DPYS: variants seen among roughly 807,000 people sequenced by gnomAD.
DPYS encodes dihydropyrimidine amidohydrolase.
A neutral mutation model predicts 50.3 loss-of-function variants in DPYS; 39 were observed. That is an observed-to-expected ratio of 0.78 (90% confidence interval 0.60 to 1.01). DPYS has a LOEUF of 1.01. Ranked by LOEUF, DPYS falls within the 50% of genes least tolerant of loss-of-function variation. DPYS has a pLI of 0.00. For synonymous variants in DPYS, 245 were observed against 250.7 expected, an observed-to-expected ratio of 0.98 and a Z score of 0.22; for missense variants, 659 against 680.9, an observed-to-expected ratio of 0.97 and a Z score of 0.36.
At chr8:104,459,862 C>A (rs986857309) in intron 1 of DPYS, among the ~76,000 whole-genome samples, 2 of 152,138 alleles carry the variant, frequency 1.3e-5, no homozygotes, top group African/African-American at 4.8e-5. Context: ...TTTATCTTTT[C>A]TAAAAGTCAT....
chr8:104,429,477 G>A, intron 5 of DPYS, 68 bp downstream of exon 5: 17 of 1,605,060 alleles, frequency 1.1e-5, no homozygotes, highest in Non-Finnish European at 1.4e-5. Flanking sequence ...CCAGATGGGA[G>A]GACGAGCTCC....
At position 104,463,697 on chromosome 8, in the gene DPYS, T is replaced by C. The variant is rs117689356; in HGVS notation, c.264+2960A>G. Among the ~76,000 whole-genome samples the C allele has an allele frequency of 8.9e-3, 1,362 of 152,312 alleles. 8 individuals carry two copies. The highest frequency in any genetic ancestry group is 0.013 in the Non-Finnish European group (856 of 68,028). On this transcript the variant is annotated intron_variant, in intron 1 of 9. Transcript: ENST00000351513. The stretch of plus-strand genomic sequence containing the variant: ...GCTGGTATGTACTTGATAAAATAGA[T>C]GTTACTTAAAGGTATAATAGGAAGA...
intron 1 of DPYS, among the ~76,000 whole-genome samples, chr8:104,452,493 G>A (rs1170347482): frequency 6.6e-6 from 1 of 152,128 alleles, no homozygotes; most frequent in East Asian, 1.9e-4. Context: ...GCAAAGTGAG[G>A]ACAATTGTAC....
At chr8:104,452,236 A>G (rs1813769095) in intron 1 of DPYS, among the ~76,000 whole-genome samples, 1 of 152,234 alleles carries the variant, frequency 6.6e-6, no homozygotes, top group African/African-American at 2.4e-5. Flanking sequence ...ACTAAATCAC[A>G]TGCCTTTGAC....
At chr8:104,464,472 AAG>A (rs1486407087) in intron 1 of DPYS, among the ~76,000 whole-genome samples, 4 of 152,222 alleles carry the variant, frequency 2.6e-5, no homozygotes, top group Non-Finnish European at 4.4e-5. Flanking sequence ...GCTCAGCTGT[AAG>A]AGGGAGAATG....
chr8:104,443,893 A>G (rs1813436680), intron 4 of DPYS, among the ~76,000 whole-genome samples: 1 of 152,284 alleles, frequency 6.6e-6, no homozygotes, highest in Non-Finnish European at 1.5e-5. Context: ...ACTCCATCAC[A>G]AAACAAACAA....
chr8:104,406,243 T>C (rs1003072430), intron 7 of DPYS, among the ~76,000 whole-genome samples: 2 of 152,204 alleles, frequency 1.3e-5, no homozygotes, highest in Non-Finnish European at 2.9e-5. Flanking sequence ...ATCCCAACTC[T>C]GTCCTTTCCA....
At chr8:104,429,846 T>TAAACAGTTTGCATAGTAGTG (rs1812892434) in intron 4 of DPYS, 145 bp from the exon 5 acceptor site, 1 of 995,142 alleles carries the variant, frequency 1.0e-6, no homozygotes, top group African/African-American at 1.6e-5. Context: ...TTTACTTTTG[T>TAAACAGTTTGCATAGTAGTG]GGACAGGATT....
chr8:104,386,836 C>G (rs1023624513), intron 8 of DPYS, among the ~76,000 whole-genome samples: 2 of 152,032 alleles, frequency 1.3e-5, no homozygotes, highest in African/African-American at 4.8e-5. Flanking sequence ...CCATGTTGGC[C>G]AGGCTAGTCT....
chr8:104,420,874 T>C (rs1399522691), intron 7 of DPYS: 1 of 152,210 alleles, frequency 6.6e-6, no homozygotes, highest in Non-Finnish European at 1.5e-5. Context: ...AGAATGAAAC[T>C]AGTCAAACTA....
At chr8:104,449,296 C>T (rs1347262795) in intron 2 of DPYS, among the ~76,000 whole-genome samples, 1 of 152,186 alleles carries the variant, frequency 6.6e-6, no homozygotes, top group Non-Finnish European at 1.5e-5. Context: ...TTATGATCTG[C>T]ATTGCTTACA....
intron 4 of DPYS, among the ~76,000 whole-genome samples, chr8:104,430,522 G>A (rs1003921661): frequency 6.6e-6 from 1 of 152,204 alleles, no homozygotes; most frequent in East Asian, 1.9e-4. Context: ...GCACAGTAGA[G>A]AGATGCTGGC....
chr8:104,451,366 G>A lies in DPYS; in HGVS notation c.303C>T (p.Phe101=), dbSNP rs141057778. 8.2e-5 allele frequency: 132 copies of A among 1,614,032 alleles called. No individual in the cohort carries two copies. Among genetic ancestry groups the A allele is most frequent in the African/African-American group, 1.3e-4 (10 of 74,928 alleles). ...GGGAGCCACCTTTCTGAGGAATGGC[G>A]AAATCAATAATCATGGTGGTGCCTC... ...LSGGTTMIID[F]AIPQKGGSLI... is the part of the protein sequence containing the mutation. Residue 101 remains phenylalanine (F), a synonymous_variant, in exon 2 of 10, where the codon TTC becomes TTT. Coordinates refer to ENST00000351513, the MANE Select transcript of DPYS (RefSeq NM_001385.3).
At chr8:104,462,105 T>C (rs541722747) in intron 1 of DPYS, among the ~76,000 whole-genome samples, 8 of 152,304 alleles carry the variant, frequency 5.3e-5, no homozygotes, top group African/African-American at 1.9e-4. Flanking sequence ...TGTGCCAGCA[T>C]TTTTTTAAGG....
At chr8:104,452,965 C>A (rs73293231) in intron 1 of DPYS, among the ~76,000 whole-genome samples, 2,667 of 152,246 alleles carry the variant, frequency 0.018, 61 homozygotes, top group African/African-American at 0.059. Context: ...TATCGTGTTA[C>A]CTCATCACCA....
At chr8:104,443,311 G>C (rs190229357) in intron 4 of DPYS, among the ~76,000 whole-genome samples, 1 of 151,728 alleles carries the variant, frequency 6.6e-6, no homozygotes, top group African/African-American at 2.4e-5. Flanking sequence ...TTTCCTTTAA[G>C]ATGAGTATTT....
chr8:104,422,932 C>G (rs550840952), intron 7 of DPYS, among the ~76,000 whole-genome samples: 5 of 152,176 alleles, frequency 3.3e-5, no homozygotes, highest in African/African-American at 1.2e-4. Context: ...CAAGCAAAAT[C>G]CAAGCAATTT....
At chr8:104,384,537 C>G (rs778817421) in intron 8 of DPYS, among the ~76,000 whole-genome samples, 3 of 152,234 alleles carry the variant, frequency 2.0e-5, no homozygotes, top group Non-Finnish European at 4.4e-5. Context: ...TCTTAGCAAT[C>G]CTTGTCTTAT....
intron 7 of DPYS, among the ~76,000 whole-genome samples, chr8:104,404,226 C>A (rs1047785039): frequency 1.3e-5 from 2 of 152,096 alleles, no homozygotes; most frequent in African/African-American, 4.8e-5. Flanking sequence ...AAAACTAGAT[C>A]TTGAACTCAG....
Sources: allele counts gnomAD v4.1 joint callset (sites outside exome capture counted in the v4.1 genomes callset), GRCh38; gene constraint gnomAD v4.1.1; transcripts MANE v1.5; gene names NCBI Gene and HGNC (gene_info 2026-07-23, HGNC 2026-07-21).